The following KCNT2 variants were observed in gnomAD, a reference collection of about 807,000 sequenced individuals.
KCNT2 encodes the protein potassium sodium-activated channel subfamily T member 2.
KCNT2 carries 67 observed loss-of-function variants against 153.8 expected under a neutral mutation model. The ratio of observed to expected loss-of-function variants is 0.44; its 90% CI spans 0.36 to 0.53. The LOEUF is 0.53. KCNT2 is among the 20% of genes least tolerant of loss of function. The probability of loss-of-function intolerance (pLI) is 0.00; values close to 1 mark genes in which losing one functional copy is unlikely to be tolerated. For synonymous variants in KCNT2, 500 were observed against 458.8 expected (o/e 1.09, Z -1.15); for missense variants, 975 against 1,354.8 (o/e 0.72, Z 4.40).
chr1:196,252,002 T>C (rs750280064), intron 26 of KCNT2, among the ~76,000 whole-genome samples: 6 of 151,824 alleles, frequency 4.0e-5, no homozygotes, highest in Non-Finnish European at 7.4e-5. Flanking sequence ...TAATGCCACC[T>C]GATGATCTCT....
At chr1:196,319,920 T>A (rs966930754) in intron 19 of KCNT2, among the ~76,000 whole-genome samples, 6 of 151,734 alleles carry the variant, frequency 4.0e-5, no homozygotes, top group African/African-American at 1.4e-4. Flanking sequence ...CTAATGCATT[T>A]TTTTAGATGA....
At chr1:196,576,539 T>C (rs1661406610) in intron 1 of KCNT2, among the ~76,000 whole-genome samples, 1 of 152,124 alleles carries the variant, frequency 6.6e-6, no homozygotes, top group African/African-American at 2.4e-5. Context: ...GTGTGTGATT[T>C]CTAAAAACAG....
At chr1:196,248,428 C>T (rs541300812) in intron 26 of KCNT2, among the ~76,000 whole-genome samples, 4 of 151,654 alleles carry the variant, frequency 2.6e-5, no homozygotes, top group Non-Finnish European at 5.9e-5. Flanking sequence ...GAGGAAACAC[C>T]CATATAAATA....
At position 196,452,163 on chromosome 1, in the gene KCNT2, C is replaced by T. The variant is rs549364374; in HGVS notation, c.638+13130G>A. 9.2e-5 allele frequency among the ~76,000 whole-genome samples: 14 copies of T among 151,982 alleles called. 1 individual carries two copies. In the South Asian group the frequency reaches 2.7e-3, roughly 29 times the overall value. ...TACAAGTGCACGACTAAAGTCATGC[C>T]TTCTATCTGCAAGGTTTTTAAAAGG... On this transcript the variant is annotated intron_variant, in intron 8 of 27. Transcript: ENST00000294725.
chr1:196,269,603 T>G (rs1236732678), intron 25 of KCNT2, among the ~76,000 whole-genome samples: 1 of 152,160 alleles, frequency 6.6e-6, no homozygotes, highest in Non-Finnish European at 1.5e-5. Context: ...AGTCTTTTTC[T>G]TGGAATGAAA....
chr1:196,504,388 T>C (rs1680955428), intron 1 of KCNT2, among the ~76,000 whole-genome samples: 1 of 152,176 alleles, frequency 6.6e-6, no homozygotes, highest in South Asian at 2.1e-4. Context: ...TCCAATTTCA[T>C]CCATGTCCCT....
chr1:196,294,163 T>C (rs1660465003), intron 22 of KCNT2, among the ~76,000 whole-genome samples: 1 of 152,142 alleles, frequency 6.6e-6, no homozygotes, highest in African/African-American at 2.4e-5. Flanking sequence ...TATCACCTCA[T>C]ACCTGTTAGA....
intron 21 of KCNT2, among the ~76,000 whole-genome samples, chr1:196,311,993 A>C (rs1274642981): frequency 6.6e-6 from 1 of 151,964 alleles, no homozygotes; most frequent in South Asian, 2.1e-4. Flanking sequence ...AAAACATGAA[A>C]TGTTTTCCAA....
rs190381118 is a variant in KCNT2 at position 196,464,179 on chromosome 1, A to T, written c.638+1114T>A. Reference sequence around the variant, plus strand: ...ATCCAGAATTTTTAGTGACTTTAGAAGGGAAATAATTGCAATGAGTGTTTC... The same window carrying T: ...ATCCAGAATTTTTAGTGACTTTAGATGGGAAATAATTGCAATGAGTGTTTC... On this transcript the variant is annotated intron_variant, in intron 8 of 27. Transcript: ENST00000294725. 2.6e-5 allele frequency among the ~76,000 whole-genome samples: 4 copies of T among 151,924 alleles called. 1 individual carries two copies. In the East Asian group the frequency reaches 7.8e-4, roughly 29 times the overall value.
chr1:196,414,666 A>G (rs1274453575), intron 12 of KCNT2, among the ~76,000 whole-genome samples: 2 of 151,852 alleles, frequency 1.3e-5, no homozygotes, highest in Non-Finnish European at 2.9e-5. Flanking sequence ...TACAATTTTG[A>G]ACCATGTTGA....
chr1:196,259,195 A>G (rs1315493244), intron 25 of KCNT2, among the ~76,000 whole-genome samples: 1 of 152,158 alleles, frequency 6.6e-6, no homozygotes, highest in Non-Finnish European at 1.5e-5. Context: ...GTAGAATTAC[A>G]ACTCAGACTT....
chr1:196,574,378 G>A (rs890836308), intron 1 of KCNT2, among the ~76,000 whole-genome samples: 2 of 151,556 alleles, frequency 1.3e-5, no homozygotes, highest in African/African-American at 2.4e-5. Context: ...TCCTACAAGA[G>A]AGTGAAAGAG....
chr1:196,554,135 A>G (rs1658326715), intron 1 of KCNT2, among the ~76,000 whole-genome samples: 1 of 151,324 alleles, frequency 6.6e-6, no homozygotes. Flanking sequence ...ACCAAACCCC[A>G]AATTAGTAGA....
intron 1 of KCNT2, among the ~76,000 whole-genome samples, chr1:196,561,925 G>A (rs1245107362): frequency 1.3e-5 from 2 of 152,062 alleles, no homozygotes; most frequent in East Asian, 2.0e-4. Flanking sequence ...CTGGTTGAAA[G>A]AGTTTATCTA....
intron 25 of KCNT2, among the ~76,000 whole-genome samples, chr1:196,270,374 A>G (rs184902386): frequency 1.1e-4 from 16 of 152,202 alleles, no homozygotes; most frequent in Admixed American, 9.8e-4. Flanking sequence ...ATGTCTAGAA[A>G]TCACATCACC....
chr1:196,318,125 C>G (rs1662914943), intron 20 of KCNT2, among the ~76,000 whole-genome samples: 1 of 151,394 alleles, frequency 6.6e-6, no homozygotes, highest in South Asian at 2.1e-4. Context: ...GATGGGAGCA[C>G]AAGAAAGTCA....
intron 1 of KCNT2, among the ~76,000 whole-genome samples, chr1:196,495,040 T>C (rs1207748238): frequency 6.6e-6 from 1 of 152,070 alleles, no homozygotes; most frequent in East Asian, 1.9e-4. Flanking sequence ...AATAATTTCC[T>C]AATCCCAATC....
intron 14 of KCNT2, among the ~76,000 whole-genome samples, chr1:196,347,844 T>G (rs1247017434): frequency 1.3e-5 from 2 of 152,186 alleles, no homozygotes; most frequent in African/African-American, 2.4e-5. Context: ...TATCCATTCT[T>G]GACCCTCAGC....
rs144231316 is a variant in KCNT2 at position 196,261,066 on chromosome 1, G to T, written c.2911-2572C>A. 3.0e-3 allele frequency among the ~76,000 whole-genome samples: 461 copies of T among 151,696 alleles called. 1 individual carries two copies. The highest frequency in any genetic ancestry group is 3.8e-3 in the Non-Finnish European group (260 of 67,682). ...GTGTGTTTGTGTGTTTTAATAGGAG[G>T]TCCATTTATAAATATACTTTCCTGA... On this transcript the variant is annotated intron_variant, in intron 25 of 27. Transcript: ENST00000294725.
Sources: allele counts gnomAD v4.1 joint callset (sites outside exome capture counted in the v4.1 genomes callset), GRCh38; gene constraint gnomAD v4.1.1; transcripts MANE v1.5; gene names NCBI Gene and HGNC (gene_info 2026-07-23, HGNC 2026-07-21).